Variants in LRPPRC observed in about 807,000 individuals in gnomAD.
The protein encoded by LRPPRC is leucine-rich PPR motif-containing protein, mitochondrial.
A neutral mutation model predicts 180.3 loss-of-function variants in LRPPRC; 120 were observed. The observed-to-expected ratio is 0.67, with a 90% confidence interval of 0.57 to 0.77. The LOEUF is 0.77. Ranked by LOEUF, LRPPRC falls within the 30% of genes least tolerant of loss-of-function variation. The pLI, the probability that LRPPRC is intolerant of heterozygous loss-of-function variation, is 0.00. For synonymous variants in LRPPRC, 723 were observed against 600.0 expected (o/e 1.21, Z -3.00); for missense variants, 2,012 against 1,657.2 (o/e 1.21, Z -3.72).
In LRPPRC at chr2:43,971,088, G is replaced by A. The variant is rs1472789274; in HGVS notation, c.1369+2519C>T. On this transcript the variant is annotated intron_variant, in intron 11 of 37. Transcript: ENST00000260665. Reference sequence around the variant, plus strand: ...GCACTCCAGCCTAGACAACAAGAGCGAAACTGTGTCAAAAAAAAAAAAAAA... The same window carrying A: ...GCACTCCAGCCTAGACAACAAGAGCAAAACTGTGTCAAAAAAAAAAAAAAA... Among the ~76,000 whole-genome samples, 10 of 140,870 alleles carry A rather than the reference G, an allele frequency of 7.1e-5. No homozygotes were observed. In the East Asian group the frequency reaches 1.4e-3, roughly 19 times the overall value. The allele number at this position is 140,870 out of a possible 152,430, so 92.4% of individuals were successfully genotyped here. A position where few individuals can be genotyped will look rare whatever the true frequency, so the allele number is the denominator to read the frequency against.
rs373042003 is a variant in LRPPRC at position 43,896,680 on chromosome 2, G to C, written c.3854C>G (p.Pro1285Arg). 44 of 1,612,384 alleles carry C rather than the reference G, an allele frequency of 2.7e-5. No individual in the cohort carries two copies. In the African/African-American group the frequency reaches 5.1e-4, roughly 19 times the overall value. The change falls in exon 35 of 38, where the codon CCG becomes CGG. Residue 1285 changes from proline to arginine, a missense_variant. By Grantham distance (103) the Pro-to-Arg change is moderately radical. Coordinates refer to ENST00000260665, the MANE Select transcript of LRPPRC (RefSeq NM_133259.4). The part of the protein sequence containing the change: ...QRCGAIAEQT[P>R]ILLLFLLRNS... The stretch of plus-strand genomic sequence containing the variant: ...CCTAAGGAGGAACAACAACAAAATC[G>C]GGGTTTGTTCAGCAATTGCACCACA...
At chr2:43,929,261 T>C (rs936851748) in intron 25 of LRPPRC, among the ~76,000 whole-genome samples, 1 of 152,180 alleles carries the variant, frequency 6.6e-6, no homozygotes, top group African/African-American at 2.4e-5. Context: ...ATGGATGTCA[T>C]GGTGTTATTC....
chr2:43,983,436 A>G (rs1674398134), intron 1 of LRPPRC, among the ~76,000 whole-genome samples: 1 of 152,170 alleles, frequency 6.6e-6, no homozygotes, highest in African/African-American at 2.4e-5. Context: ...TTCTAGGTAA[A>G]AATATAAGCT....
rs111400864 is a variant in LRPPRC, at chr2:43,916,951, A to G, written c.3148+1074T>C. Among the ~76,000 whole-genome samples, 78 of 102,530 alleles carry G rather than the reference A, an allele frequency of 7.6e-4. 1 individual carries two copies. Among genetic ancestry groups the G allele is most frequent in the African/African-American group, 1.0e-3 (27 of 26,948 alleles). 67.3% of individuals were successfully genotyped at this position (102,530 alleles called of 152,430 possible). A position where few individuals can be genotyped will look rare whatever the true frequency, so the allele number is the denominator to read the frequency against. ...CAGAGTGAGACCTGTCTCCGGGGGG[A>G]AAAAAAAAAAAAAAAAAAGAATAGT... On this transcript the variant is annotated intron_variant, in intron 29 of 37. Transcript: ENST00000260665.
At chr2:43,986,695 ACGGTCT>A (rs1674540670) in intron 1 of LRPPRC, among the ~76,000 whole-genome samples, 1 of 97,724 alleles carries the variant, frequency 1.0e-5, no homozygotes, top group African/African-American at 5.7e-5. Context: ...TAGCACTCAG[ACGGTCT>A]CATTCTGAGA....
At chr2:43,896,547 G>T in intron 35 of LRPPRC, 87 bp downstream of exon 35, 1 of 898,264 alleles carries the variant, frequency 1.1e-6, no homozygotes, top group Non-Finnish European at 1.9e-6. Context: ...ATAAGGTCCT[G>T]AAACAACAGG....
intron 27 of LRPPRC, among the ~76,000 whole-genome samples, chr2:43,920,293 A>T (rs1671653543): frequency 6.6e-6 from 1 of 151,830 alleles, no homozygotes; most frequent in Non-Finnish European, 1.5e-5. Flanking sequence ...GCGCCAGCAC[A>T]CCCCACTAAT....
chr2:43,967,361 A>C (rs4953041), intron 11 of LRPPRC, among the ~76,000 whole-genome samples: 1 of 152,110 alleles, frequency 6.6e-6, no homozygotes, highest in Non-Finnish European at 1.5e-5. Context: ...TCTCCAAAAC[A>C]TCATGTTGTT....
intron 13 of LRPPRC, chr2:43,959,060 T>C (rs1364688333): frequency 7.1e-6 from 4 of 561,602 alleles, no homozygotes; most frequent in Non-Finnish European, 6.4e-6. Flanking sequence ...AAAAAGCATC[T>C]AGTTTCCTTA....
intron 25 of LRPPRC, among the ~76,000 whole-genome samples, chr2:43,932,061 A>T (rs370650994): frequency 3.5e-5 from 5 of 141,412 alleles, no homozygotes; most frequent in African/African-American, 1.3e-4. Flanking sequence ...CAGGAGATCA[A>T]GGCTGCAGTA....
At position 43,971,624 on chromosome 2, in the gene LRPPRC, A is replaced by C. The variant is rs1189116777; in HGVS notation, c.1369+1983T>G. On this transcript the variant is annotated intron_variant, in intron 11 of 37. Transcript: ENST00000260665. Reference sequence around the variant, plus strand: ...CAAATATCTTTGATTTTCTGAAGAGATGTATTTATTCCTCATGAAACACAG... The same window carrying C: ...CAAATATCTTTGATTTTCTGAAGAGCTGTATTTATTCCTCATGAAACACAG... 2.8e-5 allele frequency among the ~76,000 whole-genome samples: 4 copies of C among 143,058 alleles called. No homozygotes were observed. The South Asian group carries it at 8.4e-4, about 30-fold the overall frequency. The allele number at this position is 143,058 out of a possible 152,430, so 93.9% of individuals were successfully genotyped here.
At chr2:43,910,244 T>TC (rs1407782772) in intron 30 of LRPPRC, among the ~76,000 whole-genome samples, 1 of 151,488 alleles carries the variant, frequency 6.6e-6, no homozygotes, top group East Asian at 1.9e-4. Flanking sequence ...TCTCCCTTTT[T>TC]TTTTTTTGAG....
Position 43,918,017 on chromosome 2 carries a change from G to A in LRPPRC, c.3148+8C>T. The stretch of plus-strand genomic sequence containing the variant: ...CCCACACACACCCCCATCCCCGTAT[G>A]TGCTTGCCTTTTTTTTGGTTCAATC... On this transcript the variant is annotated splice_region_variant and intron_variant, in intron 29 of 37. Coordinates refer to ENST00000260665, the MANE Select transcript of LRPPRC (RefSeq NM_133259.4). 1 of 1,555,936 alleles carries A rather than the reference G, an allele frequency of 6.4e-7. No individual in the cohort carries two copies. Among genetic ancestry groups the A allele is most frequent in the Non-Finnish European group, 8.8e-7 (1 of 1,131,922 alleles).
At chr2:43,959,140 G>C (rs944023373) in intron 13 of LRPPRC, 4 of 699,710 alleles carry the variant, frequency 5.7e-6, no homozygotes, top group Admixed American at 2.1e-5. Flanking sequence ...AAAAGGAAAA[G>C]GCAGCTCTCA....
intron 6 of LRPPRC, among the ~76,000 whole-genome samples, chr2:43,975,787 T>G (rs1674030052): frequency 6.6e-6 from 1 of 152,124 alleles, no homozygotes; most frequent in Non-Finnish European, 1.5e-5. Flanking sequence ...TTCACCATGT[T>G]GGCCAAGCTG....
At chr2:43,980,050 T>C (rs758287019) in intron 2 of LRPPRC, 102 bp from the exon 3 acceptor site, 1 of 1,126,762 alleles carries the variant, frequency 8.9e-7, no homozygotes, top group Non-Finnish European at 1.3e-6. Flanking sequence ...AAAAATCTTC[T>C]GGCTCAAACT....
chr2:43,991,631 C>T (rs1572592084), intron 1 of LRPPRC, among the ~76,000 whole-genome samples: 1 of 152,280 alleles, frequency 6.6e-6, no homozygotes, highest in East Asian at 1.9e-4. Flanking sequence ...GAGTATTTAT[C>T]ACCTCAAAGA....
At position 43,889,752 on chromosome 2, in the gene LRPPRC, G is replaced by T; in HGVS notation, c.4110C>A (p.Val1370=). Residue 1370 remains valine, a synonymous_variant, in exon 37 of 38, where the codon GTC becomes GTA. Coordinates refer to ENST00000260665, the MANE Select transcript of LRPPRC (RefSeq NM_133259.4). The part of the protein sequence containing the change: ...ASLLKYAGEP[V]PFIEPPESFE... ...TACTCACAGGGGGTTCAATGAAAGG[G>T]ACAGGCTCTCCAGCATACTTCAGCA... 1 of 1,613,200 alleles carries T rather than the reference G, an allele frequency of 6.2e-7. No homozygotes were observed. Among genetic ancestry groups the T allele is most frequent in the Non-Finnish European group, 8.5e-7 (1 of 1,179,154 alleles).
At chr2:43,981,450 G>A (rs912542606) in intron 2 of LRPPRC, among the ~76,000 whole-genome samples, 1 of 152,114 alleles carries the variant, frequency 6.6e-6, no homozygotes, top group Non-Finnish European at 1.5e-5. Context: ...CACGAGGTCA[G>A]GAGTTCGAGA....
Sources: allele counts gnomAD v4.1 joint callset (sites outside exome capture counted in the v4.1 genomes callset), GRCh38; gene constraint gnomAD v4.1.1; transcripts MANE v1.5; gene names NCBI Gene and HGNC (gene_info 2026-07-23, HGNC 2026-07-21).